CHST8: variants seen among roughly 807,000 people sequenced by gnomAD.
CHST8 encodes the protein GALNAC-4-ST1.
A neutral mutation model predicts 15.0 loss-of-function variants in CHST8; 10 were observed. The ratio of observed to expected loss-of-function variants is 0.67; its 90% CI spans 0.41 to 1.13. The LOEUF (loss-of-function observed/expected upper bound fraction) is 1.13, where lower values mean the gene tolerates loss of function less well. Among genes scored for constraint, CHST8 ranks in the 50% most tolerant of loss-of-function variants. The pLI is 0.00. For synonymous variants in CHST8, 259 were observed against 256.6 expected (o/e 1.01, Z -0.09); for missense variants, 634 against 608.2 (o/e 1.04, Z -0.45).
chr19:33,762,587 C>T (rs185840457), intron 3 of CHST8, among the ~76,000 whole-genome samples: 111 of 152,340 alleles, frequency 7.3e-4, no homozygotes, highest in Admixed American at 5.5e-3. Context: ...AGTGTCGCTG[C>T]GCTGGGGGCA....
At chr19:33,756,661 T>C (rs933208124) in intron 3 of CHST8, among the ~76,000 whole-genome samples, 2 of 152,140 alleles carry the variant, frequency 1.3e-5, no homozygotes, top group African/African-American at 4.8e-5. Flanking sequence ...AATCCAACAT[T>C]TCCTTTTCCT....
intron 2 of CHST8, among the ~76,000 whole-genome samples, chr19:33,688,878 G>C (rs562059377): frequency 6.6e-6 from 1 of 152,136 alleles, no homozygotes; most frequent in Non-Finnish European, 1.5e-5. Context: ...GTTACTGACT[G>C]GGGGCCTGGA....
chr19:33,707,705 C>T lies in CHST8; in HGVS notation c.130+18314C>T, dbSNP rs548645647. 2.0e-5 allele frequency among the ~76,000 whole-genome samples: 3 copies of T among 152,156 alleles called. No individual in the cohort carries two copies. The East Asian group carries it at 5.8e-4, about 29-fold the overall frequency. On this transcript the variant is annotated intron_variant, in intron 3 of 4. Coordinates refer to ENST00000650847, the MANE Select transcript of CHST8 (RefSeq NM_001127895.2). ...ATACTTTTGGCCATTAGGACTAATG[C>T]TGCTATGAACATTCATGTGAAAGTT...
At chr19:33,741,277 A>G (rs578255249) in intron 3 of CHST8, among the ~76,000 whole-genome samples, 1 of 152,260 alleles carries the variant, frequency 6.6e-6, no homozygotes, top group African/African-American at 2.4e-5. Flanking sequence ...GTTTTATTCC[A>G]GCCTGTTGTA....
intron 3 of CHST8, among the ~76,000 whole-genome samples, chr19:33,730,705 G>A (rs1463189724): frequency 6.6e-6 from 1 of 152,256 alleles, no homozygotes; most frequent in Admixed American, 6.5e-5. Flanking sequence ...ATGAGGGGGA[G>A]TTTATTAAGA....
chr19:33,673,696 C>A (rs115819037), intron 2 of CHST8, among the ~76,000 whole-genome samples: 1,916 of 152,200 alleles, frequency 0.013, 39 homozygotes, highest in African/African-American at 0.043. Flanking sequence ...GGAGGAGGGG[C>A]TGCAAGAAGG....
intron 2 of CHST8, among the ~76,000 whole-genome samples, chr19:33,674,116 G>A (rs1188406767): frequency 1.3e-5 from 2 of 152,186 alleles, no homozygotes; most frequent in South Asian, 2.1e-4. Context: ...GGCCAGGGGA[G>A]GCTAGGAGAT....
At chr19:33,767,842 T>C (rs1974882589) in intron 3 of CHST8, among the ~76,000 whole-genome samples, 4 of 152,144 alleles carry the variant, frequency 2.6e-5, no homozygotes. Context: ...GGAGGTGGGT[T>C]GTGGCTGGAG....
intron 1 of CHST8, among the ~76,000 whole-genome samples, chr19:33,648,670 T>G (rs1023592422): frequency 4.6e-5 from 7 of 152,142 alleles, no homozygotes; most frequent in African/African-American, 1.7e-4. Flanking sequence ...AGGTTAAGCA[T>G]AGATTTACCA....
chr19:33,693,824 G>T (rs1973145280), intron 3 of CHST8, among the ~76,000 whole-genome samples: 1 of 151,864 alleles, frequency 6.6e-6, no homozygotes, highest in Non-Finnish European at 1.5e-5. Context: ...CCATCAGGAG[G>T]CTCCTGTCTG....
At chr19:33,769,130 TA>T (rs368459470) in intron 3 of CHST8, among the ~76,000 whole-genome samples, 15 of 152,138 alleles carry the variant, frequency 9.9e-5, no homozygotes, top group African/African-American at 3.6e-4. Flanking sequence ...TCCTCACAGG[TA>T]AAATGGAACA....
intron 3 of CHST8, among the ~76,000 whole-genome samples, chr19:33,732,289 G>A (rs148884397): frequency 1.6e-4 from 25 of 152,236 alleles, no homozygotes; most frequent in East Asian, 3.9e-4. Context: ...AAATAAGCCC[G>A]CGTTCTGTTT....
In CHST8 at chr19:33,772,160, C is replaced by A; in HGVS notation, c.372C>A (p.Thr124=). 6.2e-7 allele frequency: 1 copy of A among 1,601,844 alleles called. No individual in the cohort carries two copies. Among genetic ancestry groups the A allele is most frequent in the Non-Finnish European group, 8.5e-7 (1 of 1,175,334 alleles). Residue 124 remains threonine, a synonymous_variant, in exon 5 of 5, where the codon ACC becomes ACA. Transcript: ENST00000650847. ...TCAAGAAAATGCCAGCTGCGGCGAC[C>A]ATCCCGGCCAACAGCTCGGACGCGC... The part of the protein sequence containing the change: ...LLIKKMPAAA[T]IPANSSDAPF...
intron 3 of CHST8, among the ~76,000 whole-genome samples, chr19:33,695,600 A>G (rs950277468): frequency 6.6e-6 from 1 of 151,770 alleles, no homozygotes; most frequent in African/African-American, 2.4e-5. Flanking sequence ...CCCATAGTCT[A>G]TTGTATCACT....
At chr19:33,730,011 G>A (rs1973966621) in intron 3 of CHST8, among the ~76,000 whole-genome samples, 1 of 152,316 alleles carries the variant, frequency 6.6e-6, no homozygotes, top group South Asian at 2.1e-4. Context: ...GTCTATAGGA[G>A]CAATGGGGAT....
chr19:33,639,912 T>G (rs1178831848), intron 1 of CHST8, among the ~76,000 whole-genome samples: 2 of 151,766 alleles, frequency 1.3e-5, no homozygotes, highest in Non-Finnish European at 2.9e-5. Flanking sequence ...CGATCTCGGC[T>G]TACTGCAACC....
At chr19:33,735,317 G>A (rs951090698) in intron 3 of CHST8, among the ~76,000 whole-genome samples, 2 of 152,342 alleles carry the variant, frequency 1.3e-5, no homozygotes, top group African/African-American at 4.8e-5. Flanking sequence ...TAGCAATCAG[G>A]TTTCAGGAGG....
chr19:33,757,837 G>A (rs1411780362), intron 3 of CHST8, among the ~76,000 whole-genome samples: 4 of 152,058 alleles, frequency 2.6e-5, no homozygotes, highest in Non-Finnish European at 5.9e-5. Flanking sequence ...GATTCCATGT[G>A]TGCACCACCA....
At chr19:33,695,825 T>TTTC (rs1973206699) in intron 3 of CHST8, among the ~76,000 whole-genome samples, 1 of 75,902 alleles carries the variant, frequency 1.3e-5, no homozygotes, top group Non-Finnish European at 2.7e-5. Context: ...TTCTTTCTTT[T>TTTC]TTTTTTTTTT....
Sources: gnomAD v4.1 joint callset for allele counts (sites outside exome capture counted in the v4.1 genomes callset) on GRCh38, gnomAD v4.1.1 for gene constraint, MANE v1.5 for transcripts, NCBI Gene and HGNC (gene_info 2026-07-23, HGNC 2026-07-21) for gene names.